PBX3: variants seen among roughly 807,000 people sequenced by gnomAD.
The protein encoded by PBX3 is pre-B-cell leukemia transcription factor 3.
Under a neutral mutation model 48.5 loss-of-function variants are expected in PBX3, and 14 were observed. That is an observed-to-expected ratio of 0.29 (90% CI 0.19 to 0.45). The LOEUF is 0.45. Ranked by LOEUF, PBX3 falls within the 20% of genes least tolerant of loss-of-function variation. PBX3 has a pLI of 1.00. For missense variants in PBX3, 386 were observed against 546.7 expected, an observed-to-expected ratio of 0.71 and a Z score of 2.93; for synonymous variants, 210 against 200.3, an observed-to-expected ratio of 1.05 and a Z score of -0.41.
intron 5 of PBX3, among the ~76,000 whole-genome samples, chr9:125,940,313 G>A (rs941571462): frequency 5.9e-5 from 9 of 152,142 alleles, no homozygotes; most frequent in Non-Finnish European, 1.3e-4. Context: ...TAATTATTAT[G>A]CATTACAAAC....
intron 2 of PBX3, among the ~76,000 whole-genome samples, chr9:125,753,686 C>G (rs1440739544): frequency 2.0e-5 from 3 of 151,916 alleles, no homozygotes; most frequent in African/African-American, 7.2e-5. Context: ...TGGGACTTTA[C>G]TATGTTATTT....
At chr9:125,935,639 C>G (rs1486473102) in intron 5 of PBX3, 32 bp downstream of exon 5, 2 of 1,586,196 alleles carry the variant, frequency 1.3e-6, no homozygotes, top group Non-Finnish European at 1.7e-6. Flanking sequence ...TGTCTTGTTC[C>G]CTGTGGAGAC....
At chr9:125,848,663 T>C (rs905126366) in intron 2 of PBX3, among the ~76,000 whole-genome samples, 2 of 152,062 alleles carry the variant, frequency 1.3e-5, no homozygotes, top group Admixed American at 6.6e-5. Flanking sequence ...ATTAAGTTTA[T>C]TGAAATTCTA....
chr9:125,887,004 T>C (rs1236840534), intron 2 of PBX3, among the ~76,000 whole-genome samples: 4 of 152,162 alleles, frequency 2.6e-5, no homozygotes, highest in South Asian at 2.1e-4. Context: ...TTTCATACTT[T>C]GGTCTTGGAA....
At position 125,844,959 on chromosome 9, in the gene PBX3, G is replaced by A. The variant is rs1013217351; in HGVS notation, c.275-70727G>A. 5 of 152,200 alleles carry A rather than the reference G, an allele frequency of 3.3e-5. No homozygotes were observed. In the South Asian group the frequency reaches 8.3e-4, roughly 25 times the overall value. 9.4% of individuals were successfully genotyped at this position (152,200 alleles called of 1,614,324 possible). On this transcript the variant is annotated intron_variant, in intron 2 of 8. Transcript: ENST00000373489. The stretch of plus-strand genomic sequence containing the variant: ...CGTCCTGGATCACTGGCTAGCAATA[G>A]CATATTATCAGCCTTTCAGATAGGT...
chr9:125,881,500 AT>A (rs1840381018), intron 2 of PBX3, among the ~76,000 whole-genome samples: 1 of 152,204 alleles, frequency 6.6e-6, no homozygotes, highest in Non-Finnish European at 1.5e-5. Context: ...ATTTAATTCA[AT>A]TTTACATCAT....
intron 2 of PBX3, among the ~76,000 whole-genome samples, chr9:125,855,963 A>C (rs941973198): frequency 1.3e-4 from 20 of 152,278 alleles, no homozygotes; most frequent in South Asian, 1.0e-3. Context: ...TTAAATCTAT[A>C]TGATTTTTTT....
intron 2 of PBX3, among the ~76,000 whole-genome samples, chr9:125,795,100 A>G (rs537539465): frequency 6.6e-6 from 1 of 152,292 alleles, no homozygotes; most frequent in Non-Finnish European, 1.5e-5. Flanking sequence ...TATCCCTTAC[A>G]TGTACAGGCT....
At chr9:125,767,976 C>T (rs758424383) in intron 2 of PBX3, among the ~76,000 whole-genome samples, 7 of 151,202 alleles carry the variant, frequency 4.6e-5, no homozygotes, top group African/African-American at 7.3e-5. Flanking sequence ...GCCGGTGGGA[C>T]GGGGAGAGGG....
chr9:125,800,040 A>G (rs1837893617), intron 2 of PBX3, among the ~76,000 whole-genome samples: 1 of 152,226 alleles, frequency 6.6e-6, no homozygotes, highest in African/African-American at 2.4e-5. Context: ...CAGTAATAAT[A>G]ATTGTAGTAA....
At chr9:125,780,472 C>A (rs1837240048) in intron 2 of PBX3, among the ~76,000 whole-genome samples, 1 of 133,698 alleles carries the variant, frequency 7.5e-6, no homozygotes, top group African/African-American at 2.9e-5. Context: ...GGGCTGACCC[C>A]CCCCACCTCC....
chr9:125,918,109 A>G (rs1313152818), intron 3 of PBX3, among the ~76,000 whole-genome samples: 2 of 152,034 alleles, frequency 1.3e-5, no homozygotes, highest in Admixed American at 6.6e-5. Context: ...GTCACCTTGC[A>G]TGGAAAGAGA....
At chr9:125,874,609 A>G (rs1840205431) in intron 2 of PBX3, among the ~76,000 whole-genome samples, 1 of 152,196 alleles carries the variant, frequency 6.6e-6, no homozygotes, top group Non-Finnish European at 1.5e-5. Context: ...TAAGAGCAGA[A>G]TATGCATTCT....
At chr9:125,849,581 C>T (rs1013124661) in intron 2 of PBX3, among the ~76,000 whole-genome samples, 21 of 151,888 alleles carry the variant, frequency 1.4e-4, no homozygotes, top group African/African-American at 4.6e-4. Flanking sequence ...CTCATTTTAG[C>T]ATTTCTGAAA....
chr9:125,823,887 C>T (rs1241656651), intron 2 of PBX3, among the ~76,000 whole-genome samples: 3 of 151,902 alleles, frequency 2.0e-5, no homozygotes, highest in African/African-American at 4.8e-5. Flanking sequence ...ACCAGCTTGG[C>T]CAACATGGTG....
intron 2 of PBX3, among the ~76,000 whole-genome samples, chr9:125,884,702 A>G (rs372297074): frequency 4.4e-4 from 67 of 152,312 alleles, no homozygotes; most frequent in African/African-American, 1.6e-3. Context: ...AACAAACACT[A>G]GTGTTGAAGA....
chr9:125,958,895 C>G (rs1007599287), intron 5 of PBX3, among the ~76,000 whole-genome samples: 1 of 152,220 alleles, frequency 6.6e-6, no homozygotes, highest in Middle Eastern at 3.2e-3. Context: ...CTCTCTCTCT[C>G]TCTGTCTGTC....
rs2132529177 is a variant in PBX3 at position 125,935,359 on chromosome 9, T to G, written c.708-113T>G. 4 of 864,892 alleles carry G rather than the reference T, an allele frequency of 4.6e-6. No homozygotes were observed. The South Asian group carries it at 6.9e-5, about 15-fold the overall frequency. 53.6% of individuals were successfully genotyped at this position (864,892 alleles called of 1,614,324 possible). ...TAATATCACAGAAATAAATTAGACC[T>G]TAAGGATGTTTAAAAAGAGAAATCT... On this transcript the variant is annotated intron_variant, in intron 4 of 8. Transcript: ENST00000373489.
intron 2 of PBX3, among the ~76,000 whole-genome samples, chr9:125,855,369 A>G (rs952271526): frequency 6.6e-6 from 1 of 152,112 alleles, no homozygotes; most frequent in African/African-American, 2.4e-5. Flanking sequence ...TTTGTAAGTT[A>G]TTTATAAATC....
Sources: gnomAD v4.1 joint callset for allele counts (sites outside exome capture counted in the v4.1 genomes callset) on GRCh38, gnomAD v4.1.1 for gene constraint, MANE v1.5 for transcripts, NCBI Gene and HGNC (gene_info 2026-07-23, HGNC 2026-07-21) for gene names.